TIGAR: variants seen among roughly 807,000 people sequenced by gnomAD.
TIGAR encodes fructose-2,6-bisphosphatase TIGAR.
Under a neutral mutation model 17.9 loss-of-function variants are expected in TIGAR, and 7 were observed. The ratio of observed to expected loss-of-function variants is 0.39; its 90% CI spans 0.22 to 0.73. TIGAR has a LOEUF of 0.73. TIGAR is among the 30% of genes least tolerant of loss of function. The probability of loss-of-function intolerance (pLI) is 0.42; values close to 1 mark genes in which losing one functional copy is unlikely to be tolerated. For missense variants in TIGAR, 258 were observed against 327.4 expected (o/e 0.79, Z 1.64); for synonymous variants, 94 against 108.6 (o/e 0.87, Z 0.84).
chr12:4,357,325 G>A lies in TIGAR; in HGVS notation c.*4634G>A, dbSNP rs950610279. ...TTAATTGAAATAGATCATCCTAGGT[G>A]AATCCACCTGGCATAATTATCAGCC... On this transcript the variant is annotated 3_prime_UTR_variant, in exon 6 of 6. Coordinates refer to ENST00000179259, the MANE Select transcript of TIGAR (RefSeq NM_020375.3). 6.6e-6 allele frequency among the ~76,000 whole-genome samples: 1 copy of A among 152,184 alleles called. No individual in the cohort carries two copies. The highest frequency in any genetic ancestry group is 1.5e-5 in the Non-Finnish European group (1 of 68,042).
intron 2 of TIGAR, 104 bp downstream of exon 2, chr12:4,331,421 T>C (rs532463208): frequency 2.9e-5 from 30 of 1,032,870 alleles, no homozygotes; most frequent in Non-Finnish European, 3.5e-5. Context: ...CAGCACTCCA[T>C]TGTGAATTGG....
chr12:4,329,386 T>C (rs982619493), intron 1 of TIGAR, among the ~76,000 whole-genome samples: 11 of 133,626 alleles, frequency 8.2e-5, no homozygotes, highest in African/African-American at 2.8e-4. Context: ...TCACCCATAC[T>C]GGAGTGCAGT....
At chr12:4,339,542 T>C (rs545669195) in intron 3 of TIGAR, among the ~76,000 whole-genome samples, 3 of 152,326 alleles carry the variant, frequency 2.0e-5, no homozygotes, top group African/African-American at 7.2e-5. Flanking sequence ...TCCAAACTTA[T>C]TCTGTGAGGC....
In TIGAR at chr12:4,355,612, A is replaced by G. The variant is rs934133068; in HGVS notation, c.*2921A>G. On this transcript the variant is annotated 3_prime_UTR_variant, in exon 6 of 6. Coordinates refer to ENST00000179259, the MANE Select transcript of TIGAR (RefSeq NM_020375.3). ...TACGTATTTTTTGAGCATGGCACAC[A>G]CATGCCAGGCTATTTTAAGAACTAC... is the stretch of plus-strand genomic sequence containing the variant. 6.6e-6 allele frequency among the ~76,000 whole-genome samples: 1 copy of G among 152,262 alleles called. No individual in the cohort carries two copies. Among genetic ancestry groups the G allele is most frequent in the African/African-American group, 2.4e-5 (1 of 41,468 alleles).
At chr12:4,333,791 G>A (rs965674920) in intron 2 of TIGAR, among the ~76,000 whole-genome samples, 1 of 152,032 alleles carries the variant, frequency 6.6e-6, no homozygotes, top group East Asian at 1.9e-4. Flanking sequence ...GTAGAGACGG[G>A]GTTTCACCAT....
chr12:4,339,510 A>T (rs2120671851), intron 3 of TIGAR, among the ~76,000 whole-genome samples: 1 of 152,354 alleles, frequency 6.6e-6, no homozygotes. Context: ...CTATTCCATA[A>T]AATAGAGGAG....
intron 2 of TIGAR, among the ~76,000 whole-genome samples, chr12:4,335,375 G>A (rs1388574677): frequency 6.6e-6 from 1 of 151,640 alleles, no homozygotes; most frequent in Non-Finnish European, 1.5e-5. Flanking sequence ...CCAATTAGAT[G>A]CATGTTATAG....
Position 4,352,838 on chromosome 12 carries a change from T to G in TIGAR, c.*147T>G. ...AGTGGAACCATAGCCACATAAAACT[T>G]TAATGGACAACCATATAGAATTAAC... On this transcript the variant is annotated 3_prime_UTR_variant, in exon 6 of 6. Coordinates refer to ENST00000179259, the MANE Select transcript of TIGAR (RefSeq NM_020375.3). The G allele has an allele frequency of 1.5e-6, 1 of 678,374 alleles. No individual in the cohort carries two copies. The allele number at this position is 678,374 out of a possible 1,614,324, so 42.0% of individuals were successfully genotyped here. A position where few individuals can be genotyped will look rare whatever the true frequency, so the allele number is the denominator to read the frequency against.
rs548205743 is a variant in TIGAR at position 4,358,666 on chromosome 12, T to C, written c.*5975T>C. On this transcript the variant is annotated 3_prime_UTR_variant, in exon 6 of 6. Transcript: ENST00000179259. The stretch of plus-strand genomic sequence containing the variant: ...GGAAATTTGACATTGATATTGCCTA[T>C]TAGCTAATCCTTAGACCAAATTTAA... 6.6e-6 allele frequency among the ~76,000 whole-genome samples: 1 copy of C among 152,174 alleles called. No individual in the cohort carries two copies. Among genetic ancestry groups the C allele is most frequent in the African/African-American group, 2.4e-5 (1 of 41,562 alleles).
chr12:4,338,333 G>A (rs764009646), intron 3 of TIGAR, among the ~76,000 whole-genome samples: 8 of 152,160 alleles, frequency 5.3e-5, no homozygotes, highest in Non-Finnish European at 1.0e-4. Flanking sequence ...CCTGAATGAA[G>A]TAGAACAAAG....
intron 1 of TIGAR, chr12:4,324,942 C>CTT (rs35996093): frequency 0.69 from 131,398 of 190,352 alleles, 45,838 homozygotes; most frequent in Non-Finnish European, 0.73. Flanking sequence ...TTTGTTTTTG[C>CTT]TTTTTTTTTT....
At chr12:4,351,524 AT>A in intron 5 of TIGAR, 147 bp downstream of exon 5, 1 of 655,342 alleles carries the variant, frequency 1.5e-6, no homozygotes. Flanking sequence ...ATTCTTTTCT[AT>A]TTAAAATCTT....
intron 3 of TIGAR, among the ~76,000 whole-genome samples, chr12:4,343,585 C>T (rs979483858): frequency 6.6e-6 from 1 of 151,906 alleles, no homozygotes; most frequent in Non-Finnish European, 1.5e-5. Context: ...AAACTCAAAG[C>T]CACTCAACTA....
chr12:4,358,287 C>CAA lies in TIGAR; in HGVS notation c.*5610_*5611dup, dbSNP rs1203284222. Among the ~76,000 whole-genome samples the CAA allele has an allele frequency of 1.2e-4, 13 of 109,666 alleles. No individual in the cohort carries two copies. Among genetic ancestry groups the CAA allele is most frequent in the East Asian group, 2.5e-4 (1 of 3,998 alleles). The allele number at this position is 109,666 out of a possible 152,430, so 71.9% of individuals were successfully genotyped here. On this transcript the variant is annotated 3_prime_UTR_variant, in exon 6 of 6. Transcript: ENST00000179259. ...AATACAAAAATTAGCTGGGCGTCTC[C>CAA]AAAAAAAAAAAAAAAGAAAAAGAAA...
intron 3 of TIGAR, among the ~76,000 whole-genome samples, chr12:4,341,885 A>T (rs113301963): frequency 5.3e-5 from 8 of 152,356 alleles, no homozygotes; most frequent in African/African-American, 1.9e-4. Context: ...AGCTGGACGG[A>T]GAATGACTTT....
chr12:4,350,427 T>C (rs890275482), intron 4 of TIGAR, among the ~76,000 whole-genome samples: 9 of 152,228 alleles, frequency 5.9e-5, no homozygotes, highest in Non-Finnish European at 8.8e-5. Flanking sequence ...TTTGTTTTTT[T>C]ACACCAACAA....
chr12:4,352,509 A>G lies in TIGAR; in HGVS notation c.631A>G (p.Thr211Ala). Residue 211 changes from threonine (T) to alanine (A), a missense_variant, in exon 6 of 6, where the codon ACT becomes GCT. Physicochemically the swap from Thr to Ala is moderately conservative, Grantham distance 58. Coordinates refer to ENST00000179259, the MANE Select transcript of TIGAR (RefSeq NM_020375.3). ...YMRSLFDYFL[T>A]DLKCSLPATL... ...GAGAAGTCTGTTTGATTATTTTCTGACTGACCTTAAGTGTTCCTTACCAGC... is the reference window on the plus strand; with the variant it reads ...GAGAAGTCTGTTTGATTATTTTCTGGCTGACCTTAAGTGTTCCTTACCAGC... The G allele has an allele frequency of 1.2e-6, 2 of 1,614,106 alleles. No individual in the cohort carries two copies. The highest frequency in any genetic ancestry group is 1.7e-6 in the Non-Finnish European group (2 of 1,180,016).
intron 3 of TIGAR, among the ~76,000 whole-genome samples, chr12:4,344,935 A>C (rs1383825053): frequency 6.6e-6 from 1 of 152,206 alleles, no homozygotes; most frequent in African/African-American, 2.4e-5. Context: ...ATACAAAATC[A>C]ATGTGCAAAA....
In TIGAR at chr12:4,359,409, GA is replaced by G. The variant is rs1864951342; in HGVS notation, c.*6719del. 6.6e-6 allele frequency among the ~76,000 whole-genome samples: 1 copy of G among 151,738 alleles called. No homozygotes were observed. The highest frequency in any genetic ancestry group is 1.5e-5 in the Non-Finnish European group (1 of 67,976). ...AATATGCTCCAGACTCATTCTTCCC[GA>G]GCCCCAGCCCCAGAATCAGCTTTTT... On this transcript the variant is annotated 3_prime_UTR_variant, in exon 6 of 6. Coordinates refer to ENST00000179259, the MANE Select transcript of TIGAR (RefSeq NM_020375.3).
Sources: gnomAD v4.1 joint callset for allele counts (sites outside exome capture counted in the v4.1 genomes callset) on GRCh38, gnomAD v4.1.1 for gene constraint, MANE v1.5 for transcripts, NCBI Gene and HGNC (gene_info 2026-07-23, HGNC 2026-07-21) for gene names.